The following PCBD2 variants were observed in gnomAD, a reference collection of about 807,000 sequenced individuals.
PCBD2 encodes the protein pterin-4-alpha-carbinolamine dehydratase 2.
Under a neutral mutation model 16.4 loss-of-function variants are expected in PCBD2, and 12 were observed. That is an observed-to-expected ratio of 0.73 (90% CI 0.47 to 1.19). PCBD2 has a LOEUF of 1.19. Ranked by LOEUF, PCBD2 falls within the 50% of genes most tolerant of loss-of-function variation. The pLI is 0.00. For synonymous variants in PCBD2, 58 were observed against 61.8 expected, an observed-to-expected ratio of 0.94 and a Z score of 0.29; for missense variants, 138 against 156.8, an observed-to-expected ratio of 0.88 and a Z score of 0.64.
chr5:134,922,012 C>T (rs889709495), intron 2 of PCBD2, among the ~76,000 whole-genome samples: 2 of 152,204 alleles, frequency 1.3e-5, no homozygotes, highest in Non-Finnish European at 2.9e-5. Flanking sequence ...TCGCATTACT[C>T]TGCAAGAAGC....
intron 2 of PCBD2, among the ~76,000 whole-genome samples, chr5:134,933,328 T>TG (rs1751120656): frequency 6.6e-6 from 1 of 152,196 alleles, no homozygotes; most frequent in African/African-American, 2.4e-5. Flanking sequence ...CTCTATCTTC[T>TG]GGGCTCAGAT....
chr5:134,926,889 A>G (rs763180489), intron 2 of PCBD2: 53 of 398,510 alleles, frequency 1.3e-4, no homozygotes, highest in Non-Finnish European at 1.8e-4. Flanking sequence ...GAATGTGGTT[A>G]CTAGCACAGA....
At chr5:134,923,414 G>A (rs548070918) in intron 2 of PCBD2, 41 of 209,468 alleles carry the variant, frequency 2.0e-4, no homozygotes, top group Admixed American at 1.9e-3. Flanking sequence ...CGGAATGGGA[G>A]GTGATTCCTA....
intron 2 of PCBD2, chr5:134,925,342 A>C (rs1310608593): frequency 2.5e-6 from 1 of 398,284 alleles, no homozygotes; most frequent in Non-Finnish European, 4.4e-6. Flanking sequence ...GCCAATGGTG[A>C]GGGAGGTTGA....
At chr5:134,948,811 G>A (rs1039519911) in intron 2 of PCBD2, among the ~76,000 whole-genome samples, 20 of 151,838 alleles carry the variant, frequency 1.3e-4, no homozygotes, top group Non-Finnish European at 2.8e-4. Flanking sequence ...TATCTCACAG[G>A]TGTTGACCTG....
intron 2 of PCBD2, chr5:134,924,582 G>C (rs1025998217): frequency 2.5e-5 from 10 of 398,740 alleles, no homozygotes; most frequent in Non-Finnish European, 4.0e-5. Context: ...TTGATTAGTA[G>C]TAGTTACTGG....
At chr5:134,939,483 C>T (rs954482546) in intron 2 of PCBD2, among the ~76,000 whole-genome samples, 4 of 151,996 alleles carry the variant, frequency 2.6e-5, no homozygotes, top group African/African-American at 7.2e-5. Flanking sequence ...CGGAAGCAGT[C>T]AGGAGAAAGA....
At chr5:134,949,450 C>T (rs963654096) in intron 2 of PCBD2, among the ~76,000 whole-genome samples, 9 of 152,030 alleles carry the variant, frequency 5.9e-5, no homozygotes, top group South Asian at 2.1e-4. Context: ...GCTCCTTTTA[C>T]GTATGGGGAA....
chr5:134,919,312 T>C (rs1446988900), intron 2 of PCBD2, among the ~76,000 whole-genome samples: 1 of 152,248 alleles, frequency 6.6e-6, no homozygotes, highest in Non-Finnish European at 1.5e-5. Context: ...GTATGATTAA[T>C]GCATTCATTG....
At chr5:134,945,459 T>A (rs73790758) in intron 2 of PCBD2, among the ~76,000 whole-genome samples, 8,456 of 152,224 alleles carry the variant, frequency 0.056, 466 homozygotes, top group African/African-American at 0.15. Context: ...TGTGAATTAC[T>A]TATATAAAAA....
chr5:134,929,358 A>AG (rs1304367957), intron 2 of PCBD2, among the ~76,000 whole-genome samples: 1 of 152,068 alleles, frequency 6.6e-6, no homozygotes, highest in East Asian at 1.9e-4. Flanking sequence ...AAAAAAAAAA[A>AG]AAAAAAGGGA....
At chr5:134,921,152 A>G (rs1750899013) in intron 2 of PCBD2, among the ~76,000 whole-genome samples, 1 of 152,200 alleles carries the variant, frequency 6.6e-6, no homozygotes, top group Non-Finnish European at 1.5e-5. Context: ...CTGAGGGGCT[A>G]GTGCTGGTCT....
chr5:134,916,861 G>A (rs982672882), intron 2 of PCBD2, among the ~76,000 whole-genome samples: 1 of 152,240 alleles, frequency 6.6e-6, no homozygotes, highest in Admixed American at 6.5e-5. Flanking sequence ...GTATGTTGGT[G>A]ACAGACAGTG....
intron 2 of PCBD2, among the ~76,000 whole-genome samples, chr5:134,949,809 A>C (rs1415181503): frequency 6.6e-6 from 1 of 152,214 alleles, no homozygotes; most frequent in Non-Finnish European, 1.5e-5. Context: ...AGTCACCAAC[A>C]CCAGGGGAAG....
chr5:134,905,817 C>G (rs2150194246), intron 1 of PCBD2: 1 of 152,250 alleles, frequency 6.6e-6, no homozygotes, highest in Middle Eastern at 3.4e-3. Flanking sequence ...GTGCGTTAAA[C>G]TCACCATCTC....
chr5:134,907,700 G>A lies in PCBD2; in HGVS notation c.84+2477G>A, dbSNP rs538993425. 3.5e-5 allele frequency among the ~76,000 whole-genome samples: 5 copies of A among 144,740 alleles called. No homozygotes were observed. In the South Asian group the frequency reaches 1.1e-3, roughly 32 times the overall value. 95.0% of individuals were successfully genotyped at this position (144,740 alleles called of 152,430 possible). A position where few individuals can be genotyped will look rare whatever the true frequency, so the allele number is the denominator to read the frequency against. On this transcript the variant is annotated intron_variant, in intron 1 of 3. Coordinates refer to ENST00000254908, the MANE Select transcript of PCBD2 (RefSeq NM_032151.5). ...TGCAGTGGCACGATCTCGGCTCACT[G>A]CAACCTCTATCATCCGGGTTCAAAT... is the stretch of plus-strand genomic sequence containing the variant.
At chr5:134,928,158 T>A (rs1479339007) in intron 2 of PCBD2, 2 of 390,834 alleles carry the variant, frequency 5.1e-6, no homozygotes, top group African/African-American at 4.1e-5. Context: ...GGTACAATAT[T>A]GGCTAAGAGG....
intron 1 of PCBD2, among the ~76,000 whole-genome samples, chr5:134,910,069 C>T (rs369209996): frequency 9.0e-4 from 137 of 152,222 alleles, no homozygotes; most frequent in African/African-American, 3.1e-3. Flanking sequence ...GACCCTGTCT[C>T]GAAACAACCA....
chr5:134,958,633 C>G lies in PCBD2; in HGVS notation c.217-407C>G, dbSNP rs75966579. Among the ~76,000 whole-genome samples the G allele has an allele frequency of 1.2e-3, 176 of 152,284 alleles. 2 individuals carry two copies. The East Asian group carries it at 0.03, about 26-fold the overall frequency. On this transcript the variant is annotated intron_variant, in intron 2 of 3. Transcript: ENST00000254908. ...TCTTGTGGGTTGCCTTAGTTAGCAA[C>G]CCAATCACTAAAAACAAAAGGAACA...
Sources: allele counts gnomAD v4.1 joint callset (sites outside exome capture counted in the v4.1 genomes callset), GRCh38; gene constraint gnomAD v4.1.1; transcripts MANE v1.5; gene names NCBI Gene and HGNC (gene_info 2026-07-23, HGNC 2026-07-21).